The following CNTNAP2 variants were observed in gnomAD, a reference collection of about 807,000 sequenced individuals.
The protein encoded by CNTNAP2 is contactin associated protein 2.
Under a neutral mutation model 155.2 loss-of-function variants are expected in CNTNAP2, and 98 were observed. The ratio of observed to expected loss-of-function variants is 0.63; its 90% confidence interval spans 0.54 to 0.75. The LOEUF is 0.75. Among genes scored for constraint, CNTNAP2 ranks in the 30% least tolerant of loss-of-function variants. The pLI is 0.00. For synonymous variants in CNTNAP2, 651 were observed against 631.2 expected (o/e 1.03, Z -0.47); for missense variants, 1,727 against 1,688.1 (o/e 1.02, Z -0.40).
chr7:147,596,746 G>A (rs1800833160), intron 12 of CNTNAP2, among the ~76,000 whole-genome samples: 1 of 152,134 alleles, frequency 6.6e-6, no homozygotes. Flanking sequence ...TGCATTCCTG[G>A]ACATCCTTAG....
At chr7:146,298,067 C>T (rs2129087817) in intron 1 of CNTNAP2, among the ~76,000 whole-genome samples, 1 of 152,168 alleles carries the variant, frequency 6.6e-6, no homozygotes, top group East Asian at 1.9e-4. Flanking sequence ...GATGATCCTT[C>T]TATGCTATAA....
At chr7:148,125,505 T>C (rs181578287) in intron 16 of CNTNAP2, among the ~76,000 whole-genome samples, 30 of 152,122 alleles carry the variant, frequency 2.0e-4, no homozygotes, top group Admixed American at 1.7e-3. Context: ...TCTGTTCCTG[T>C]GTTAGTTTGC....
intron 1 of CNTNAP2, among the ~76,000 whole-genome samples, chr7:146,444,262 T>A (rs1796369675): frequency 6.6e-6 from 1 of 152,098 alleles, no homozygotes; most frequent in African/African-American, 2.4e-5. Context: ...TGACCTCAAG[T>A]GATCCACCCA....
At chr7:147,609,672 TTTCC>T (rs1327624977) in intron 12 of CNTNAP2, among the ~76,000 whole-genome samples, 3 of 152,032 alleles carry the variant, frequency 2.0e-5, no homozygotes, top group Non-Finnish European at 1.5e-5. Flanking sequence ...GTGGGAAGAC[TTTCC>T]TTTATCCTCT....
chr7:148,031,423 A>G (rs1269980925), intron 15 of CNTNAP2, among the ~76,000 whole-genome samples: 1 of 152,190 alleles, frequency 6.6e-6, no homozygotes, highest in Non-Finnish European at 1.5e-5. Flanking sequence ...CTTCAGTGAT[A>G]ATGCTGAAGT....
chr7:147,889,479 T>C (rs915948734), intron 13 of CNTNAP2, among the ~76,000 whole-genome samples: 1 of 152,076 alleles, frequency 6.6e-6, no homozygotes, highest in Admixed American at 6.6e-5. Flanking sequence ...TGTGAGCCTA[T>C]TGATACGAAT....
intron 2 of CNTNAP2, among the ~76,000 whole-genome samples, chr7:146,782,720 T>C (rs1802512067): frequency 6.6e-6 from 1 of 152,142 alleles, no homozygotes; most frequent in Non-Finnish European, 1.5e-5. Flanking sequence ...TAAAATAAAA[T>C]CAGTTATACT....
rs190285907 is a variant in CNTNAP2 at position 148,125,728 on chromosome 7, C to T, written c.2554+7440C>T. Among the ~76,000 whole-genome samples, 227 of 147,006 alleles carry T rather than the reference C, an allele frequency of 1.5e-3. 1 individual carries two copies. Among genetic ancestry groups the T allele is most frequent in the African/African-American group, 5.4e-3 (214 of 39,690 alleles). On this transcript the variant is annotated intron_variant, in intron 16 of 23. Coordinates refer to ENST00000361727, the MANE Select transcript of CNTNAP2 (RefSeq NM_014141.6). The stretch of plus-strand genomic sequence containing the variant: ...TTTTTTTTTTTTTTGGACAGATTCT[C>T]ACTCACTCTGCCAGCTGGGCTAGAG...
At chr7:147,489,586 C>A (rs756809766) in intron 11 of CNTNAP2, among the ~76,000 whole-genome samples, 3 of 152,110 alleles carry the variant, frequency 2.0e-5, no homozygotes, top group Non-Finnish European at 4.4e-5. Flanking sequence ...ATTGACTTAT[C>A]CCTGCTTCAG....
intron 12 of CNTNAP2, among the ~76,000 whole-genome samples, chr7:147,577,279 T>A (rs1800412980): frequency 1.3e-5 from 2 of 152,228 alleles, no homozygotes; most frequent in South Asian, 4.1e-4. Context: ...TACATTTTGC[T>A]TTGCTCATTG....
intron 10 of CNTNAP2, among the ~76,000 whole-genome samples, chr7:147,397,313 A>G (rs1211300205): frequency 2.0e-5 from 3 of 152,074 alleles, no homozygotes; most frequent in Non-Finnish European, 2.9e-5. Flanking sequence ...ATAATCAGAA[A>G]AGCTGAGATG....
chr7:148,346,727 G>A (rs879728523), intron 21 of CNTNAP2, among the ~76,000 whole-genome samples: 10 of 149,794 alleles, frequency 6.7e-5, no homozygotes, highest in Non-Finnish European at 1.2e-4. Context: ...AGCCAAGACC[G>A]AGCCATTGCA....
At chr7:147,265,144 G>A (rs1261530167) in intron 8 of CNTNAP2, among the ~76,000 whole-genome samples, 1 of 152,148 alleles carries the variant, frequency 6.6e-6, no homozygotes, top group East Asian at 1.9e-4. Flanking sequence ...GCAGGGCTGT[G>A]GGTACCCAGA....
chr7:146,605,617 G>T (rs1799033862), intron 1 of CNTNAP2, among the ~76,000 whole-genome samples: 1 of 152,118 alleles, frequency 6.6e-6, no homozygotes, highest in African/African-American at 2.4e-5. Flanking sequence ...CCATATCATG[G>T]ATGATAATAA....
At chr7:147,170,018 C>T (rs1447632968) in intron 8 of CNTNAP2, among the ~76,000 whole-genome samples, 2 of 151,940 alleles carry the variant, frequency 1.3e-5, no homozygotes, top group African/African-American at 4.8e-5. Context: ...AGGAGGCACT[C>T]TGGCTTCTTG....
At chr7:147,336,113 A>G (rs1795660202) in intron 9 of CNTNAP2, among the ~76,000 whole-genome samples, 1 of 152,208 alleles carries the variant, frequency 6.6e-6, no homozygotes, top group South Asian at 2.1e-4. Context: ...AGTTTATCTT[A>G]TATGACCTTC....
chr7:147,829,474 C>T (rs1798514683), intron 13 of CNTNAP2, among the ~76,000 whole-genome samples: 2 of 152,138 alleles, frequency 1.3e-5, no homozygotes, highest in African/African-American at 4.8e-5. Flanking sequence ...AATAGCTCTC[C>T]ATATTTAGTG....
chr7:147,118,477 G>A (rs1281277738), intron 5 of CNTNAP2, among the ~76,000 whole-genome samples: 1 of 152,104 alleles, frequency 6.6e-6, no homozygotes, highest in East Asian at 1.9e-4. Flanking sequence ...AAAACTTGTA[G>A]GATACAAAAT....
At chr7:147,340,311 G>T (rs1795739265) in intron 9 of CNTNAP2, among the ~76,000 whole-genome samples, 1 of 152,060 alleles carries the variant, frequency 6.6e-6, no homozygotes, top group South Asian at 2.1e-4. Context: ...CCATATTTTA[G>T]CACAAATATG....
Sources: allele counts gnomAD v4.1 joint callset (sites outside exome capture counted in the v4.1 genomes callset), GRCh38; gene constraint gnomAD v4.1.1; transcripts MANE v1.5; gene names NCBI Gene and HGNC (gene_info 2026-07-23, HGNC 2026-07-21).